EP300: variants seen among roughly 807,000 people sequenced by gnomAD.
EP300 encodes histone acetyltransferase p300.
EP300 carries 31 observed loss-of-function variants against 264.0 expected under a neutral mutation model. That is an observed-to-expected ratio of 0.12 (90% CI 0.09 to 0.16). The LOEUF (loss-of-function observed/expected upper bound fraction) is 0.16, where lower values mean the gene tolerates loss of function less well. Ranked by LOEUF, EP300 falls within the 10% of genes least tolerant of loss-of-function variation. The pLI, the probability that EP300 is intolerant of heterozygous loss-of-function variation, is 1.00. For missense variants in EP300, 2,766 were observed against 3,052.9 expected (o/e 0.91, Z 2.21); for synonymous variants, 1,340 against 1,045.4 (o/e 1.28, Z -5.44).
intron 5 of EP300, among the ~76,000 whole-genome samples, chr22:41,130,366 A>G (rs2058911393): frequency 6.6e-6 from 1 of 152,114 alleles, no homozygotes; most frequent in Non-Finnish European, 1.5e-5. Context: ...CAGCCTAGGC[A>G]ACTTAGCAAG....
At position 41,149,745 on chromosome 22, in the gene EP300, T is replaced by C. The variant is rs779985844; in HGVS notation, c.2380-16T>C. 6.2e-7 allele frequency: 1 copy of C among 1,613,668 alleles called. No homozygotes were observed. On this transcript the variant is annotated splice_polypyrimidine_tract_variant and intron_variant, in intron 13 of 30. Transcript: ENST00000263253. ...TGTTCTGAATTGCTGTCTTGTTATG[T>C]TTTTTATTTTAACAGGCACAAATGT...
At chr22:41,169,467 T>C (rs1400444776) in intron 25 of EP300, 36 bp from the exon 26 acceptor site, 2 of 1,425,840 alleles carry the variant, frequency 1.4e-6, no homozygotes, top group Non-Finnish European at 2.0e-6. Context: ...TGACCTGACT[T>C]TTTTTTTCCT....
chr22:41,153,696 G>A (rs995024393), intron 16 of EP300, among the ~76,000 whole-genome samples: 7 of 152,234 alleles, frequency 4.6e-5, no homozygotes, highest in African/African-American at 1.7e-4. Flanking sequence ...GGAGGTTGCA[G>A]TGAGCCAAGA....
chr22:41,153,924 A>G (rs77251233), intron 16 of EP300, among the ~76,000 whole-genome samples: 2 of 152,156 alleles, frequency 1.3e-5, no homozygotes, highest in Non-Finnish European at 2.9e-5. Context: ...TCTACCGATG[A>G]TGAAATTTTT....
At chr22:41,139,552 ATAAAAT>A (rs1478461965) in intron 8 of EP300, among the ~76,000 whole-genome samples, 1 of 152,204 alleles carries the variant, frequency 6.6e-6, no homozygotes, top group East Asian at 1.9e-4. Flanking sequence ...GGATGTCCAA[ATAAAAT>A]TAGTGCCTAA....
intron 1 of EP300, among the ~76,000 whole-genome samples, chr22:41,098,886 T>C (rs906085854): frequency 2.0e-5 from 3 of 152,112 alleles, no homozygotes; most frequent in African/African-American, 4.8e-5. Flanking sequence ...GCGCACCTTA[T>C]AGGAATCCAC....
Position 41,178,368 on chromosome 22 carries a change from CCCA to C in EP300, c.6662_6664del (p.Pro2221del). On this transcript the variant is annotated inframe_deletion, in exon 31 of 31. Coordinates refer to ENST00000263253, the MANE Select transcript of EP300 (RefSeq NM_001429.4). ...TCCAGCAACCCCAAGGAGTTGGCTA[CCCA>C]CCACAGCAGCAGCAGCGGATGCAGC... 6.2e-7 allele frequency: 1 copy of C among 1,614,132 alleles called. No individual in the cohort carries two copies.
At chr22:41,108,996 C>T (rs1042244152) in intron 1 of EP300, among the ~76,000 whole-genome samples, 2 of 152,140 alleles carry the variant, frequency 1.3e-5, no homozygotes, top group African/African-American at 4.8e-5. Context: ...GCTGGCCCAG[C>T]GCCGTGGCAC....
chr22:41,140,001 ATAATT>A (rs1217315492), intron 8 of EP300, 134 bp from the exon 9 acceptor site: 23 of 681,850 alleles, frequency 3.4e-5, no homozygotes, highest in African/African-American at 7.3e-5. Flanking sequence ...TCACAAAAAG[ATAATT>A]TCATTTCAGT....
chr22:41,126,021 G>T lies in EP300; in HGVS notation c.887G>T (p.Gly296Val), dbSNP rs2145708053. 4.3e-6 allele frequency: 7 copies of T among 1,614,158 alleles called. No individual in the cohort carries two copies. Among genetic ancestry groups the T allele is most frequent in the Non-Finnish European group, 5.9e-6 (7 of 1,180,036 alleles). Residue 296 changes from glycine to valine, a missense_variant, in exon 3 of 31, where the codon GGT becomes GTT. Transcript: ENST00000263253. ...GCTATGGACAAAAAGGCAGTTCCTGGTGGAGGAATGCCCAACATGGTGAGT... is the reference window on the plus strand; with the variant it reads ...GCTATGGACAAAAAGGCAGTTCCTGTTGGAGGAATGCCCAACATGGTGAGT... Reference protein sequence around the residue: ...PFAMDKKAVPGGGMPNMGQQP... With the variant: ...PFAMDKKAVPVGGMPNMGQQP...
rs200460407 is a variant in EP300 at position 41,177,794 on chromosome 22, C to A, written c.6083C>A (p.Ala2028Asp). 3 of 1,614,042 alleles carry A rather than the reference C, an allele frequency of 1.9e-6. No individual in the cohort carries two copies. The change falls in exon 31 of 31, where the codon GCT becomes GAT. Residue 2028 changes from alanine to aspartate, a missense_variant. Physicochemically the swap from Ala to Asp is moderately radical, Grantham distance 126 (BLOSUM62 -2). Transcript: ENST00000263253. The stretch of plus-strand genomic sequence containing the variant: ...CAGCATGGTCAACCTTTGAACATGG[C>A]TCCACAACCAGGATTGGGCCAGGTA... ...VAQHGQPLNM[A>D]PQPGLGQVGI... is the part of the protein sequence containing the mutation.
intron 1 of EP300, among the ~76,000 whole-genome samples, chr22:41,103,726 G>A (rs2058743854): frequency 1.3e-5 from 2 of 152,142 alleles, no homozygotes. Flanking sequence ...TGTGGAAAGA[G>A]AAATATGCTA....
At chr22:41,095,232 ATTTTTTTT>A (rs66515117) in intron 1 of EP300, among the ~76,000 whole-genome samples, 5 of 80,264 alleles carry the variant, frequency 6.2e-5, no homozygotes, top group East Asian at 3.5e-4. Context: ...TACCATTGTA[ATTTTTTTT>A]TTTTTTTTTT....
chr22:41,132,878 T>C (rs1177528394), intron 6 of EP300, among the ~76,000 whole-genome samples: 1 of 152,238 alleles, frequency 6.6e-6, no homozygotes, highest in East Asian at 1.9e-4. Context: ...ATGATAACAT[T>C]GGAAGAATTG....
Position 41,178,264 on chromosome 22 carries a change from C to T in EP300, c.6553C>T (p.Arg2185Ter). 3 of 1,613,992 alleles carry T rather than the reference C, an allele frequency of 1.9e-6. No individual in the cohort carries two copies. The highest frequency in any genetic ancestry group is 2.5e-6 in the Non-Finnish European group (3 of 1,179,976). ...TTCACAATTCCGAGACATCTTGAGA[C>T]GACAGCAAATGATGCAACAGCAGCA... ...MPSQFRDILRRQQMMQQQQQQ... is the reference protein window; with the variant it reads ...MPSQFRDILR Residue 2185 changes from arginine (R) to a stop codon, truncating the protein, a stop_gained, in exon 31 of 31, where the codon CGA becomes TGA. Transcript: ENST00000263253. LOFTEE classifies it high-confidence loss of function.
intron 1 of EP300, among the ~76,000 whole-genome samples, chr22:41,112,307 A>T (rs928166633): frequency 2.0e-5 from 3 of 152,022 alleles, no homozygotes; most frequent in African/African-American, 7.3e-5. Flanking sequence ...TCCTTGCTTC[A>T]GCCTCCCAAG....
chr22:41,096,530 G>A (rs1471615017), intron 1 of EP300, among the ~76,000 whole-genome samples: 1 of 151,270 alleles, frequency 6.6e-6, no homozygotes, highest in Non-Finnish European at 1.5e-5. Flanking sequence ...GGCAGATAGT[G>A]TGTAAAGTAT....
intron 10 of EP300, among the ~76,000 whole-genome samples, chr22:41,145,794 GC>G (rs2059007384): frequency 6.6e-6 from 1 of 151,564 alleles, no homozygotes. Flanking sequence ...CTGCCACCAC[GC>G]CCGGCTATTT....
At chr22:41,116,144 G>C (rs1193783407) in intron 1 of EP300, among the ~76,000 whole-genome samples, 1 of 151,814 alleles carries the variant, frequency 6.6e-6, no homozygotes, top group Non-Finnish European at 1.5e-5. Context: ...AATGGGTGTT[G>C]CACTTTTTTT....
Sources: allele counts gnomAD v4.1 joint callset (sites outside exome capture counted in the v4.1 genomes callset), GRCh38; gene constraint gnomAD v4.1.1; transcripts MANE v1.5; gene names NCBI Gene and HGNC (gene_info 2026-07-23, HGNC 2026-07-21).